Variants in ACER1 observed in about 807,000 individuals in gnomAD.
ACER1 encodes CTB-180A7.3.
Under a neutral mutation model 24.9 loss-of-function variants are expected in ACER1, and 28 were observed. That is an observed-to-expected ratio of 1.13 (90% confidence interval 0.83 to 1.54). ACER1 has a LOEUF of 1.54. ACER1 is among the 40% of genes most tolerant of loss of function. ACER1 has a pLI of 0.00. For synonymous variants in ACER1, 132 were observed against 131.4 expected, an observed-to-expected ratio of 1.00 and a Z score of -0.03; for missense variants, 352 against 349.3, an observed-to-expected ratio of 1.01 and a Z score of -0.06.
chr19:6,307,079 G>T (rs2091556009), intron 5 of ACER1, 74 bp downstream of exon 5: 12 of 1,587,746 alleles, frequency 7.6e-6, no homozygotes, highest in Non-Finnish European at 1.0e-5. Context: ...CCAGCCCCCA[G>T]GTGCCTACTC....
chr19:6,356,089 A>T, the ACER1 span, among the ~76,000 whole-genome samples: 1 of 151,388 alleles, frequency 6.6e-6, no homozygotes, highest in African/African-American at 2.5e-5. Flanking sequence ...GTGTAGAAAG[A>T]GGTAGACACG....
At chr19:6,320,469 C>T (rs2145007675) in intron 1 of ACER1, among the ~76,000 whole-genome samples, 1 of 152,124 alleles carries the variant, frequency 6.6e-6, no homozygotes, top group African/African-American at 2.4e-5. Flanking sequence ...TGTGCCACCA[C>T]ACCTGGCTAA....
chr19:6,350,999 T>A, the ACER1 span, among the ~76,000 whole-genome samples: 139 of 152,270 alleles, frequency 9.1e-4, no homozygotes, highest in African/African-American at 3.1e-3. Context: ...ATGTCTATCT[T>A]GTCAGTCATT....
intron 3 of ACER1, among the ~76,000 whole-genome samples, chr19:6,311,298 C>T (rs888301022): frequency 1.3e-5 from 2 of 151,888 alleles, no homozygotes; most frequent in Non-Finnish European, 1.5e-5. Flanking sequence ...AATCCCAGCA[C>T]TTTGGGAGGC....
At chr19:6,310,684 G>A (rs2091575000) in intron 3 of ACER1, among the ~76,000 whole-genome samples, 1 of 151,898 alleles carries the variant, frequency 6.6e-6, no homozygotes, top group Admixed American at 6.6e-5. Context: ...TTCGAGACCA[G>A]CCTGGGCAAC....
At chr19:6,319,124 T>C (rs1336101602) in intron 1 of ACER1, among the ~76,000 whole-genome samples, 3 of 152,024 alleles carry the variant, frequency 2.0e-5, no homozygotes, top group African/African-American at 7.3e-5. Flanking sequence ...GAGATAATAA[T>C]AATAACAGGC....
the ACER1 span, among the ~76,000 whole-genome samples, chr19:6,344,238 C>T: frequency 6.6e-6 from 1 of 151,936 alleles, no homozygotes; most frequent in Non-Finnish European, 1.5e-5. Context: ...CACTGCACTC[C>T]AGCCTGGGCG....
chr19:6,329,966 G>A (rs10417642), intron 1 of ACER1, among the ~76,000 whole-genome samples: 7,479 of 148,142 alleles, frequency 0.05, 281 homozygotes, highest in African/African-American at 0.11. Context: ...CACCTACCGG[G>A]TTCACATAAT....
the ACER1 span, among the ~76,000 whole-genome samples, chr19:6,349,509 GAAGGAAGGAAGGA>G: frequency 1.4e-5 from 2 of 146,034 alleles, no homozygotes; most frequent in Admixed American, 6.8e-5. Flanking sequence ...AGGAAGGAAA[GAAGGAAGGAAGGA>G]AAGGAAGGGA....
chr19:6,352,527 G>A, the ACER1 span, among the ~76,000 whole-genome samples: 1 of 152,190 alleles, frequency 6.6e-6, no homozygotes, highest in Non-Finnish European at 1.5e-5. Flanking sequence ...CAAATTATGA[G>A]AAATGATAAG....
rs765735085 is a variant in ACER1 at position 6,312,514 on chromosome 19, G to C, written c.94-15C>G. Reference sequence around the variant, plus strand: ...ATATTGGAGAACTGGAGCAGAGAGAGCCATAGGGAGGAGCTCGTCAGATAG... The same window carrying C: ...ATATTGGAGAACTGGAGCAGAGAGACCCATAGGGAGGAGCTCGTCAGATAG... On this transcript the variant is annotated splice_polypyrimidine_tract_variant and intron_variant, in intron 1 of 5. Transcript: ENST00000301452. The C allele has an allele frequency of 5.5e-5, 88 of 1,604,614 alleles. No homozygotes were observed. Among genetic ancestry groups the C allele is most frequent in the Non-Finnish European group, 7.3e-5 (85 of 1,171,808 alleles).
chr19:6,324,869 A>AGGG (rs371265133), intron 1 of ACER1, among the ~76,000 whole-genome samples: 8,410 of 98,286 alleles, frequency 0.086, 549 homozygotes, highest in African/African-American at 0.3. Flanking sequence ...GAAAGGAAGG[A>AGGG]AGGAAGGAAG....
upstream of ACER1, among the ~76,000 whole-genome samples, chr19:6,335,186 T>G (rs116640456): frequency 6.9e-6 from 1 of 145,844 alleles, no homozygotes; most frequent in Non-Finnish European, 1.5e-5. Context: ...TTTTCTTTTT[T>G]TAAGTGCTTG....
chr19:6,308,427 C>T (rs1363622656), intron 4 of ACER1, among the ~76,000 whole-genome samples: 1 of 113,244 alleles, frequency 8.8e-6, no homozygotes, highest in East Asian at 2.3e-4. Flanking sequence ...AAGAGTGAGA[C>T]TCCGTCTCAA....
upstream of ACER1, among the ~76,000 whole-genome samples, chr19:6,335,502 C>T (rs112702827): frequency 4.1e-3 from 628 of 152,114 alleles, 5 homozygotes; most frequent in African/African-American, 0.014. Flanking sequence ...GGATTACAGG[C>T]GTGAGCCACT....
At chr19:6,335,179 TC>T (rs2091708528), upstream of ACER1, among the ~76,000 whole-genome samples, 1 of 143,918 alleles carries the variant, frequency 6.9e-6, no homozygotes, top group South Asian at 2.1e-4. Flanking sequence ...ATATAATTTT[TC>T]TTTTTTTAAG....
In ACER1 at chr19:6,309,627, G is replaced by A. The variant is rs562161931; in HGVS notation, c.488+70C>T. ...CTTGGAGAAGGGACGTCCCCTCCGCGAGCCTGGAGTCAGGGGTGCTAGGAG... is the reference window on the plus strand; with the variant it reads ...CTTGGAGAAGGGACGTCCCCTCCGCAAGCCTGGAGTCAGGGGTGCTAGGAG... On this transcript the variant is annotated intron_variant, in intron 4 of 5. Transcript: ENST00000301452. The A allele has an allele frequency of 1.8e-5, 29 of 1,594,822 alleles. No homozygotes were observed. In the East Asian group the frequency reaches 2.9e-4, roughly 16 times the overall value.
chr19:6,320,005 G>T (rs558100929), intron 1 of ACER1, among the ~76,000 whole-genome samples: 1 of 151,182 alleles, frequency 6.6e-6, no homozygotes, highest in African/African-American at 2.4e-5. Flanking sequence ...AGCTACTCAG[G>T]AGGCTGAAAC....
the ACER1 span, chr19:6,343,853 A>T: frequency 6.6e-6 from 1 of 152,236 alleles, no homozygotes; most frequent in African/African-American, 2.4e-5. Context: ...AAAGGTGCAA[A>T]TGAACATGTC....
Sources: gnomAD v4.1 joint callset for allele counts (sites outside exome capture counted in the v4.1 genomes callset) on GRCh38, gnomAD v4.1.1 for gene constraint, MANE v1.5 for transcripts, NCBI Gene and HGNC (gene_info 2026-07-23, HGNC 2026-07-21) for gene names.